The following FREM1 variants were observed in gnomAD, a reference collection of about 807,000 sequenced individuals.
The protein encoded by FREM1 is FRAS1-related extracellular matrix protein 1.
In FREM1, 220 loss-of-function variants were observed where a neutral mutation model predicts 210.1. The observed-to-expected ratio is 1.05, with a 90% CI of 0.94 to 1.17. The LOEUF (loss-of-function observed/expected upper bound fraction) is 1.17. FREM1 is among the 50% of genes most tolerant of loss of function. FREM1 has a pLI of 0.00. For synonymous variants in FREM1, 1,189 were observed against 980.2 expected (o/e 1.21, Z -3.98); for missense variants, 3,454 against 2,675.5 (o/e 1.29, Z -6.42).
chr9:14,776,052 G>C lies in FREM1; in HGVS notation c.4594C>G (p.Leu1532Val), dbSNP rs1339868223. Reference protein sequence around the residue: ...VGLLSPDLLQLTDPDTPAENL... With the variant: ...VGLLSPDLLQVTDPDTPAENL... The stretch of plus-strand genomic sequence containing the variant: ...TCCGCAGGTGTATCAGGGTCGGTCA[G>C]CTGAAGGAGGTCAGGGGAAAGCAGG... The change falls in exon 25 of 37, where the codon CTG (leucine) becomes GTG (valine). Residue 1532 changes from leucine to valine, a missense_variant. Physicochemically the swap from Leu to Val is conservative, Grantham distance 32 (BLOSUM62 1). Coordinates refer to ENST00000380880, the MANE Select transcript of FREM1 (RefSeq NM_001379081.2). 1 of 1,613,820 alleles carries C rather than the reference G, an allele frequency of 6.2e-7. No individual in the cohort carries two copies. Among genetic ancestry groups the C allele is most frequent in the Non-Finnish European group, 8.5e-7 (1 of 1,179,806 alleles).
At chr9:14,886,723 C>A (rs1328351434) in intron 1 of FREM1, among the ~76,000 whole-genome samples, 4 of 151,624 alleles carry the variant, frequency 2.6e-5, no homozygotes, top group African/African-American at 9.7e-5. Flanking sequence ...TGGTGAAACC[C>A]CACTCCTACA....
In FREM1 at chr9:14,779,010, C is replaced by T. The variant is rs971258869; in HGVS notation, c.4443-2807G>A. ...ATACATTTTTAGGTATAAAATTATG[C>T]TTTATTTCTCAGGCAGAGCCTGAGA... is the stretch of plus-strand genomic sequence containing the variant. On this transcript the variant is annotated intron_variant, in intron 24 of 36. Coordinates refer to ENST00000380880, the MANE Select transcript of FREM1 (RefSeq NM_001379081.2). Among the ~76,000 whole-genome samples, 18 of 152,056 alleles carry T rather than the reference C, an allele frequency of 1.2e-4. 1 individual carries two copies. Among genetic ancestry groups the T allele is most frequent in the Admixed American group, 3.3e-4 (5 of 15,274 alleles).
At chr9:14,809,058 G>C (rs1818910280) in intron 16 of FREM1, among the ~76,000 whole-genome samples, 1 of 152,230 alleles carries the variant, frequency 6.6e-6, no homozygotes, top group South Asian at 2.1e-4. Context: ...GAGGAACCCA[G>C]TGGGAGGTGA....
Position 14,740,141 on chromosome 9 carries a change from A to C in FREM1, c.6340+8T>G. The C allele has an allele frequency of 5.0e-6, 8 of 1,602,560 alleles. No homozygotes were observed. Among genetic ancestry groups the C allele is most frequent in the Non-Finnish European group, 6.0e-6 (7 of 1,170,210 alleles). On this transcript the variant is annotated splice_region_variant and intron_variant, in intron 36 of 36. Transcript: ENST00000380880. ...CTCCTCAGTGCAGCCTCCCTCCCAG[A>C]TACTTGCCTATCCAAAAGGACTTTC...
In FREM1 at chr9:14,776,046, C is replaced by T. The variant is rs374901721; in HGVS notation, c.4600G>A (p.Asp1534Asn). 129 of 1,613,838 alleles carry T rather than the reference C, an allele frequency of 8.0e-5. No homozygotes were observed. The highest frequency in any genetic ancestry group is 4.9e-4 in the Middle Eastern group (3 of 6,084). Residue 1534 changes from aspartate to asparagine, a missense_variant, in exon 25 of 37, where the codon GAC becomes AAC. Coordinates refer to ENST00000380880, the MANE Select transcript of FREM1 (RefSeq NM_001379081.2). ...LLSPDLLQLT[D>N]PDTPAENLTF... Reference sequence around the variant, plus strand: ...AGGTTCTCCGCAGGTGTATCAGGGTCGGTCAGCTGAAGGAGGTCAGGGGAA... The same window carrying T: ...AGGTTCTCCGCAGGTGTATCAGGGTTGGTCAGCTGAAGGAGGTCAGGGGAA...
chr9:14,910,581 A>G (rs560128354), upstream of FREM1, among the ~76,000 whole-genome samples: 39 of 152,226 alleles, frequency 2.6e-4, 1 homozygote, highest in Non-Finnish European at 7.4e-5. Context: ...ACAGGCACAC[A>G]TACAAACACG....
chr9:14,881,028 T>G (rs1834700526), intron 1 of FREM1, among the ~76,000 whole-genome samples: 1 of 152,156 alleles, frequency 6.6e-6, no homozygotes. Context: ...AAGGCACCGG[T>G]GGGATTTCAC....
In FREM1 at chr9:14,804,951, C is replaced by T. The variant is rs749457921; in HGVS notation, c.3471+5G>A. On this transcript the variant is annotated splice_donor_5th_base_variant and intron_variant, in intron 19 of 36. Coordinates refer to ENST00000380880, the MANE Select transcript of FREM1 (RefSeq NM_001379081.2). The stretch of plus-strand genomic sequence containing the variant: ...AGAAATGGAACATTTGGATATGTTT[C>T]TTACAGTAATATTCTGCACTACAAA... 1 of 1,595,306 alleles carries T rather than the reference C, an allele frequency of 6.3e-7. No individual in the cohort carries two copies.
At chr9:14,740,767 C>T (rs1841429666) in intron 35 of FREM1, among the ~76,000 whole-genome samples, 1 of 152,072 alleles carries the variant, frequency 6.6e-6, no homozygotes, top group Non-Finnish European at 1.5e-5. Flanking sequence ...AACTGTCAAA[C>T]CTTCATATAA....
intron 14 of FREM1, among the ~76,000 whole-genome samples, chr9:14,817,842 C>T (rs1339322439): frequency 3.3e-5 from 5 of 152,096 alleles, no homozygotes; most frequent in South Asian, 2.1e-4. Flanking sequence ...ACGCACTACC[C>T]GCTATGCTTT....
intron 31 of FREM1, among the ~76,000 whole-genome samples, chr9:14,748,088 C>T (rs764221711): frequency 6.6e-6 from 1 of 152,158 alleles, no homozygotes; most frequent in Non-Finnish European, 1.5e-5. Flanking sequence ...CTTCCACACC[C>T]AATCGCATCA....
chr9:14,746,216 G>C (rs1178516354), intron 35 of FREM1, 137 bp downstream of exon 35: 1 of 604,436 alleles, frequency 1.7e-6, no homozygotes, highest in African/African-American at 1.8e-5. Context: ...AACTCCCTCA[G>C]GGCTCCTAAA....
chr9:14,877,295 A>C lies in FREM1; in HGVS notation c.-267-8051T>G, dbSNP rs183633711. ...GCTTATCATCTCTGGGTGGTGTATAAAAGACATCTCACACTTTATGAAGCC... is the reference window on the plus strand; with the variant it reads ...GCTTATCATCTCTGGGTGGTGTATACAAGACATCTCACACTTTATGAAGCC... On this transcript the variant is annotated intron_variant, in intron 1 of 36. Coordinates refer to ENST00000380880, the MANE Select transcript of FREM1 (RefSeq NM_001379081.2). 2.0e-3 allele frequency among the ~76,000 whole-genome samples: 305 copies of C among 152,020 alleles called. 2 individuals carry two copies. Among genetic ancestry groups the C allele is most frequent in the Non-Finnish European group, 3.4e-3 (234 of 67,952 alleles).
chr9:14,829,503 T>A (rs914195036), intron 10 of FREM1, among the ~76,000 whole-genome samples: 2 of 151,984 alleles, frequency 1.3e-5, no homozygotes, highest in African/African-American at 4.8e-5. Context: ...CCCAATGGTG[T>A]TTAGGTCATG....
intron 7 of FREM1, among the ~76,000 whole-genome samples, chr9:14,847,455 AGGGTG>A (rs1826897818): frequency 2.3e-4 from 3 of 13,192 alleles, no homozygotes; most frequent in Non-Finnish European, 4.8e-4. Flanking sequence ...GGAGGGAGGG[AGGGTG>A]GGAGGGAGAA....
chr9:14,743,602 A>C (rs1459642798), intron 35 of FREM1, among the ~76,000 whole-genome samples: 2 of 152,120 alleles, frequency 1.3e-5, no homozygotes, highest in Non-Finnish European at 2.9e-5. Flanking sequence ...TGAAAGCTTC[A>C]TTATAGACCA....
chr9:14,769,429 T>C (rs1415650900), intron 27 of FREM1, among the ~76,000 whole-genome samples: 1 of 152,122 alleles, frequency 6.6e-6, no homozygotes, highest in African/African-American at 2.4e-5. Context: ...TGGATGCTAG[T>C]GAATTGGTAA....
rs373156235 is a variant in FREM1 at position 14,851,553 on chromosome 9, G to C, written c.883C>G (p.Pro295Ala). ...AACACGGCCATGAATGCAGCCTTTG[G>C]AATCTGATTCGGAATTCCAGCTCTG... ...YIRAGIPNQI[P>A]KAAFMAVFIL... The change falls in exon 6 of 37, where the codon CCA becomes GCA. Residue 295 changes from proline (P) to alanine (A), a missense_variant. Physicochemically the swap from Pro to Ala is conservative, Grantham distance 27. Coordinates refer to ENST00000380880, the MANE Select transcript of FREM1 (RefSeq NM_001379081.2). 2 of 1,613,970 alleles carry C rather than the reference G, an allele frequency of 1.2e-6. No homozygotes were observed.
chr9:14,858,530 C>G (rs867517766), intron 4 of FREM1, among the ~76,000 whole-genome samples: 2 of 147,594 alleles, frequency 1.4e-5, no homozygotes, highest in Middle Eastern at 7.1e-3. Context: ...TTTGGAGTCT[C>G]ATTTCTCAGA....
Sources: gnomAD v4.1 joint callset for allele counts (sites outside exome capture counted in the v4.1 genomes callset) on GRCh38, gnomAD v4.1.1 for gene constraint, MANE v1.5 for transcripts, NCBI Gene and HGNC (gene_info 2026-07-23, HGNC 2026-07-21) for gene names.